Variants in SYNE2 observed in about 807,000 individuals in gnomAD.
SYNE2 encodes the protein nesprin-2.
SYNE2 carries 431 observed loss-of-function variants against 856.3 expected under a neutral mutation model. That is an observed-to-expected ratio of 0.50 (90% CI 0.47 to 0.55). SYNE2 has a LOEUF of 0.55. Ranked by LOEUF, SYNE2 falls within the 20% of genes least tolerant of loss-of-function variation. The pLI, the probability that SYNE2 is intolerant of heterozygous loss-of-function variation, is 0.00. For synonymous variants in SYNE2, 2,923 were observed against 2,872.3 expected, an observed-to-expected ratio of 1.02 and a Z score of -0.56; for missense variants, 8,129 against 8,023.2, an observed-to-expected ratio of 1.01 and a Z score of -0.50.
chr14:64,206,941 C>T (rs1048417271), intron 100 of SYNE2, among the ~76,000 whole-genome samples: 2 of 152,046 alleles, frequency 1.3e-5, no homozygotes, highest in African/African-American at 2.4e-5. Context: ...TTCTGTGAAC[C>T]GGTAAGAGTT....
chr14:64,190,888 T>A (rs1363065766), intron 99 of SYNE2: 1 of 695,110 alleles, frequency 1.4e-6, no homozygotes, highest in Non-Finnish European at 2.6e-6. Context: ...CCAAAATTTT[T>A]AAATGTCTTC....
intron 57 of SYNE2, among the ~76,000 whole-genome samples, chr14:64,081,969 C>A (rs958567820): frequency 6.6e-6 from 1 of 151,892 alleles, no homozygotes; most frequent in Non-Finnish European, 1.5e-5. Context: ...GCCTGTAGTC[C>A]CAGCTACTCG....
intron 45 of SYNE2, among the ~76,000 whole-genome samples, chr14:64,042,118 A>C (rs922698466): frequency 2.6e-5 from 4 of 152,202 alleles, no homozygotes; most frequent in Non-Finnish European, 5.9e-5. Context: ...AGTCTAACAG[A>C]TGAAAAATTC....
Position 64,107,508 on chromosome 14 carries a change from A to G in SYNE2, c.12510A>G (p.Ile4170Met), listed in dbSNP as rs200113549. 4 of 1,614,136 alleles carry G rather than the reference A, an allele frequency of 2.5e-6. No homozygotes were observed. In the East Asian group the frequency reaches 8.9e-5, roughly 36 times the overall value. The change falls in exon 65 of 116, where the codon ATA (isoleucine) becomes ATG (methionine). Residue 4170 changes from isoleucine to methionine, a missense_variant. By Grantham distance (10) the Ile-to-Met change is conservative. This residue lies in a region of SYNE2 where 5,410 missense variants were observed against 5,284.8 expected (regional missense o/e 1.02). Transcript: ENST00000555002. Reference sequence around the variant, plus strand: ...CTTTACAGGAAGCATATGGGAAAATAAGCACCTCTGATAATTCCATGGCAC... The same window carrying G: ...CTTTACAGGAAGCATATGGGAAAATGAGCACCTCTGATAATTCCATGGCAC... ...GTIVQEAYGKISTSDNSMAQI... is the reference protein window; with the variant it reads ...GTIVQEAYGKMSTSDNSMAQI...
At chr14:63,913,466 C>CTTTCTTTTTTT (rs551498099) in intron 2 of SYNE2, among the ~76,000 whole-genome samples, 8 of 139,598 alleles carry the variant, frequency 5.7e-5, no homozygotes, top group Admixed American at 1.4e-4. Flanking sequence ...TTCTTTCTTT[C>CTTTCTTTTTTT]TTTTTTTTTT....
At chr14:64,219,551 C>A in intron 110 of SYNE2, 141 bp downstream of exon 110, 1 of 846,154 alleles carries the variant, frequency 1.2e-6, no homozygotes, top group Non-Finnish European at 1.9e-6. Context: ...TCTTCCATTT[C>A]AGTTCCATAG....
chr14:63,903,810 TC>T (rs2095370315), intron 1 of SYNE2, among the ~76,000 whole-genome samples: 1 of 104,348 alleles, frequency 9.6e-6, no homozygotes, highest in Non-Finnish European at 2.3e-5. Flanking sequence ...AAATGGCCAT[TC>T]TTTTTTTTTT....
rs1018508798 is a variant in SYNE2, at chr14:64,225,897, A to G, written c.*371A>G. 2.1e-6 allele frequency: 1 copy of G among 482,184 alleles called. No individual in the cohort carries two copies. Among genetic ancestry groups the G allele is most frequent in the Non-Finnish European group, 3.7e-6 (1 of 269,926 alleles). The allele number at this position is 482,184 out of a possible 1,614,324, so 29.9% of individuals were successfully genotyped here. A position where few individuals can be genotyped will look rare whatever the true frequency, so the allele number is the denominator to read the frequency against. On this transcript the variant is annotated 3_prime_UTR_variant, in exon 116 of 116. Transcript: ENST00000555002. Reference sequence around the variant, plus strand: ...AGCAGTGGTGTCCATCACATATATTATAGAAGCAAGCGAGGACATTCCACC... The same window carrying G: ...AGCAGTGGTGTCCATCACATATATTGTAGAAGCAAGCGAGGACATTCCACC...
At chr14:64,079,327 A>G (rs542473666) in intron 55 of SYNE2, among the ~76,000 whole-genome samples, 1 of 152,364 alleles carries the variant, frequency 6.6e-6, no homozygotes, top group South Asian at 2.1e-4. Context: ...AAAACTGTAC[A>G]TAAACACTAT....
intron 77 of SYNE2, 74 bp from the exon 78 acceptor site, chr14:64,133,995 G>A (rs1036586526): frequency 7.7e-6 from 12 of 1,563,144 alleles, no homozygotes; most frequent in African/African-American, 2.7e-5. Context: ...TTTTTGTTTT[G>A]TGATTAATTA....
intron 1 of SYNE2, among the ~76,000 whole-genome samples, chr14:63,824,827 AT>A (rs890516563): frequency 5.4e-4 from 82 of 151,642 alleles, no homozygotes; most frequent in African/African-American, 1.9e-3. Context: ...TTAAAAATTA[AT>A]TTTTTTTTAA....
intron 110 of SYNE2, among the ~76,000 whole-genome samples, chr14:64,220,221 C>T (rs779530422): frequency 3.2e-4 from 48 of 152,182 alleles, no homozygotes; most frequent in Non-Finnish European, 4.9e-4. Context: ...CTCCCTCCAG[C>T]AGGCCTCTAC....
chr14:64,220,315 T>C (rs2098688520), intron 110 of SYNE2, 122 bp from the exon 111 acceptor site: 1 of 1,113,498 alleles, frequency 9.0e-7, no homozygotes, highest in Non-Finnish European at 1.3e-6. Flanking sequence ...GCGAGGTCAC[T>C]CTCATTTCTG....
chr14:63,933,400 C>T (rs994674203), intron 2 of SYNE2, among the ~76,000 whole-genome samples: 14 of 152,264 alleles, frequency 9.2e-5, no homozygotes, highest in South Asian at 2.1e-4. Context: ...TAGCTTAACT[C>T]ACTTTGCTTT....
At chr14:64,214,047 C>T (rs2098654696) in intron 105 of SYNE2, 147 bp from the exon 106 acceptor site, 2 of 1,210,558 alleles carry the variant, frequency 1.7e-6, no homozygotes. Flanking sequence ...AGAAACAGGA[C>T]CTGGGAACCT....
At chr14:64,095,686 C>G (rs2097670682) in intron 61 of SYNE2, among the ~76,000 whole-genome samples, 1 of 152,104 alleles carries the variant, frequency 6.6e-6, no homozygotes, top group Non-Finnish European at 1.5e-5. Flanking sequence ...TTTTTCTCAA[C>G]CATTGGCCCT....
intron 1 of SYNE2, among the ~76,000 whole-genome samples, chr14:63,806,155 C>T (rs1888354390): frequency 6.6e-6 from 1 of 152,110 alleles, no homozygotes; most frequent in Non-Finnish European, 1.5e-5. Context: ...GTATGTTTCT[C>T]TAATGCCAAG....
chr14:63,993,804 T>TAAA lies in SYNE2; in HGVS notation c.2647-31_2647-30insAAA. Reference sequence around the variant, plus strand: ...ATTTGGCAGTAGAATGAGGCTTTTATGATTTTGTTTGCAATTTTTTTTTTT... The same window carrying TAAA: ...ATTTGGCAGTAGAATGAGGCTTTTATAAAGATTTTGTTTGCAATTTTTTTTTTT... On this transcript the variant is annotated intron_variant, in intron 21 of 115. Transcript: ENST00000555002. 4 of 1,577,038 alleles carry TAAA rather than the reference T, an allele frequency of 2.5e-6. No individual in the cohort carries two copies. In the Admixed American group the frequency reaches 5.4e-5, roughly 21 times the overall value.
intron 1 of SYNE2, among the ~76,000 whole-genome samples, chr14:63,825,793 T>C (rs1010791056): frequency 1.1e-4 from 17 of 151,982 alleles, no homozygotes; most frequent in Non-Finnish European, 2.4e-4. Context: ...GGAGAATTGC[T>C]TGAACCCAGG....
Sources: allele counts gnomAD v4.1 joint callset (sites outside exome capture counted in the v4.1 genomes callset), GRCh38; gene constraint gnomAD v4.1.1; regional missense constraint gnomAD v4.1.1; transcripts MANE v1.5; gene names NCBI Gene and HGNC (gene_info 2026-07-23, HGNC 2026-07-21).